The following TRPM6 variants were observed in gnomAD, a reference collection of about 807,000 sequenced individuals.
TRPM6 encodes transient receptor potential cation channel subfamily M member 6.
Under a neutral mutation model 247.6 loss-of-function variants are expected in TRPM6, and 111 were observed. The ratio of observed to expected loss-of-function variants is 0.45; its 90% CI spans 0.38 to 0.52. The LOEUF (loss-of-function observed/expected upper bound fraction) is 0.52. TRPM6 is among the 20% of genes least tolerant of loss of function. TRPM6 has a pLI of 0.00. For synonymous variants in TRPM6, 892 were observed against 853.8 expected, an observed-to-expected ratio of 1.04 and a Z score of -0.78; for missense variants, 2,126 against 2,421.5, an observed-to-expected ratio of 0.88 and a Z score of 2.56.
intron 15 of TRPM6, among the ~76,000 whole-genome samples, chr9:74,802,851 A>T (rs535238448): frequency 6.6e-5 from 10 of 152,054 alleles, no homozygotes; most frequent in African/African-American, 2.4e-4. Context: ...CTACCTCCTC[A>T]CATAATCCTG....
chr9:74,823,836 G>A (rs993049925), intron 7 of TRPM6, among the ~76,000 whole-genome samples: 5 of 152,096 alleles, frequency 3.3e-5, no homozygotes, highest in African/African-American at 7.2e-5. Context: ...AAATAGGACC[G>A]TGTTTAGTGG....
chr9:74,771,210 G>A (rs7026707), intron 25 of TRPM6, among the ~76,000 whole-genome samples: 7,040 of 152,212 alleles, frequency 0.046, 540 homozygotes, highest in African/African-American at 0.16. Flanking sequence ...CCCTCAGAGC[G>A]ACCTTCTAGA....
At chr9:74,750,938 G>C (rs1450218831) in intron 29 of TRPM6, among the ~76,000 whole-genome samples, 1 of 152,156 alleles carries the variant, frequency 6.6e-6, no homozygotes, top group Non-Finnish European at 1.5e-5. Flanking sequence ...GACTTTAACA[G>C]AATGAAATTA....
At position 74,819,121 on chromosome 9, in the gene TRPM6, A is replaced by C. The variant is rs528646829; in HGVS notation, c.1134+1183T>G. Among the ~76,000 whole-genome samples the C allele has an allele frequency of 2.0e-5, 3 of 152,234 alleles. No individual in the cohort carries two copies. The South Asian group carries it at 6.2e-4, about 32-fold the overall frequency. On this transcript the variant is annotated intron_variant, in intron 9 of 38. Transcript: ENST00000360774. ...CCAGGAGTTCGAGACCAGCTTGGCC[A>C]ACATGGTGAAACCCCATCTCTACCA... is the stretch of plus-strand genomic sequence containing the variant.
Position 74,738,615 on chromosome 9 carries a change from G to A in TRPM6, c.5571-3C>T. 1 of 1,613,878 alleles carries A rather than the reference G, an allele frequency of 6.2e-7. No individual in the cohort carries two copies. The highest frequency in any genetic ancestry group is 2.2e-5 in the East Asian group (1 of 44,860). On this transcript the variant is annotated splice_region_variant and splice_polypyrimidine_tract_variant and intron_variant, in intron 35 of 38. Transcript: ENST00000360774. ...AGATTAAGAAAACTTCCAGGAACCT[G>A]TTAGGGAAAAAGAGGCCATTGATCC...
At position 74,800,267 on chromosome 9, in the gene TRPM6, T is replaced by A. The variant is rs752347122; in HGVS notation, c.2225A>T (p.Asn742Ile). 1.2e-6 allele frequency: 2 copies of A among 1,613,346 alleles called. No homozygotes were observed. The highest frequency in any genetic ancestry group is 1.1e-5 in the South Asian group (1 of 91,048). The change falls in exon 17 of 39, where the codon AAC becomes ATC. Residue 742 changes from asparagine to isoleucine, a missense_variant. Physicochemically the swap from Asn to Ile is moderately radical, Grantham distance 149. This residue lies in a region of TRPM6 where 1,082 missense variants were observed against 1,307.9 expected (regional missense o/e 0.83). Coordinates refer to ENST00000360774, the MANE Select transcript of TRPM6 (RefSeq NM_017662.5). Reference sequence around the variant, plus strand: ...AAGTAAATTTACCTTTAACCAAGAGTTTTTCCTCATTTTCAGCCTCCCCAT... The same window carrying A: ...AAGTAAATTTACCTTTAACCAAGAGATTTTCCTCATTTTCAGCCTCCCCAT... ...MWMGRLKMRK[N>I]SWLKIIISII... is the part of the protein sequence containing the mutation.
chr9:74,789,038 C>T lies in TRPM6; in HGVS notation c.2539-296G>A, dbSNP rs950261424. On this transcript the variant is annotated intron_variant, in intron 19 of 38. Transcript: ENST00000360774. Reference sequence around the variant, plus strand: ...CATTTCCAGGACCCTGCACATCCAACAGGGGCACTGGCAAGCTAACAGCAA... The same window carrying T: ...CATTTCCAGGACCCTGCACATCCAATAGGGGCACTGGCAAGCTAACAGCAA... Among the ~76,000 whole-genome samples the T allele has an allele frequency of 1.2e-4, 19 of 152,202 alleles. 1 individual carries two copies. Among genetic ancestry groups the T allele is most frequent in the Admixed American group, 1.2e-3 (19 of 15,272 alleles).
At chr9:74,863,419 C>A (rs956948442) in intron 1 of TRPM6, among the ~76,000 whole-genome samples, 2 of 152,146 alleles carry the variant, frequency 1.3e-5, no homozygotes, top group Admixed American at 1.3e-4. Context: ...CCGCTTATGG[C>A]ACTCAAAAAG....
intron 11 of TRPM6, among the ~76,000 whole-genome samples, chr9:74,813,735 C>G (rs1286042072): frequency 6.6e-6 from 1 of 152,148 alleles, no homozygotes; most frequent in African/African-American, 2.4e-5. Context: ...TAGCAGGAAG[C>G]AGACAATCCA....
At chr9:74,804,231 G>A (rs146724516) in intron 14 of TRPM6, among the ~76,000 whole-genome samples, 2 of 152,014 alleles carry the variant, frequency 1.3e-5, no homozygotes, top group South Asian at 4.2e-4. Flanking sequence ...TTCAAAATAG[G>A]CAATAAAGAT....
intron 36 of TRPM6, among the ~76,000 whole-genome samples, chr9:74,733,556 G>C (rs1431928855): frequency 6.6e-6 from 1 of 152,118 alleles, no homozygotes; most frequent in East Asian, 1.9e-4. Context: ...TCGTAGCCTC[G>C]TTTTACATTT....
intron 24 of TRPM6, among the ~76,000 whole-genome samples, chr9:74,773,113 C>G (rs970573059): frequency 1.2e-3 from 189 of 152,158 alleles, no homozygotes; most frequent in African/African-American, 4.4e-3. Context: ...GGCAACAGAG[C>G]GAGACTCCAT....
intron 38 of TRPM6, among the ~76,000 whole-genome samples, chr9:74,727,170 C>G (rs1825358491): frequency 6.6e-6 from 1 of 151,960 alleles, no homozygotes; most frequent in African/African-American, 2.4e-5. Context: ...ATCATGAGGT[C>G]AGGAGATCAA....
In TRPM6 at chr9:74,762,187, T is replaced by C. The variant is rs772174508; in HGVS notation, c.4484A>G (p.Gln1495Arg). ...SRSEQHQKQA[Q>R]DSSLSDNSTR... ...TGAGTTATCAGATAGGGAGCTGTCC[T>C]GGGCCTGCTTCTGGTGCTGTTCACT... The change falls in exon 26 of 39, where the codon CAG becomes CGG. Residue 1495 changes from glutamine (Q) to arginine (R), a missense_variant. By Grantham distance (43) the Gln-to-Arg change is conservative. Around this residue, in one of 3 missense-constraint regions of TRPM6, gnomAD observed 717 missense variants for 715.9 expected, o/e 1.00. Coordinates refer to ENST00000360774, the MANE Select transcript of TRPM6 (RefSeq NM_017662.5). 7.4e-6 allele frequency: 12 copies of C among 1,614,206 alleles called. No homozygotes were observed. In the East Asian group the frequency reaches 2.0e-4, roughly 27 times the overall value.
chr9:74,851,784 T>C (rs148349564), intron 3 of TRPM6, among the ~76,000 whole-genome samples: 9,343 of 146,532 alleles, frequency 0.064, 342 homozygotes, highest in Middle Eastern at 0.12. Flanking sequence ...ATAATACATA[T>C]ATATATAATA....
chr9:74,795,361 C>T (rs914652273), intron 18 of TRPM6, among the ~76,000 whole-genome samples: 9 of 152,168 alleles, frequency 5.9e-5, no homozygotes, highest in African/African-American at 2.2e-4. Flanking sequence ...GAATAAAAAT[C>T]ATACTCCTTC....
chr9:74,817,072 T>C (rs1828960497), intron 9 of TRPM6, 108 bp from the exon 10 acceptor site: 3 of 1,050,446 alleles, frequency 2.9e-6, no homozygotes, highest in South Asian at 2.5e-5. Flanking sequence ...GAGGAAAACA[T>C]TCTTCTTTAA....
At chr9:74,864,566 G>A (rs947260932) in intron 1 of TRPM6, among the ~76,000 whole-genome samples, 1 of 152,190 alleles carries the variant, frequency 6.6e-6, no homozygotes, top group African/African-American at 2.4e-5. Flanking sequence ...TGTCCAGGAG[G>A]CAGAGAACAC....
At chr9:74,785,769 C>G (rs968306990) in intron 21 of TRPM6, 105 bp downstream of exon 21, 1 of 1,281,232 alleles carries the variant, frequency 7.8e-7, no homozygotes, top group Non-Finnish European at 1.1e-6. Context: ...GTGATCCGCC[C>G]GCCTTGGCCT....
Sources: allele counts gnomAD v4.1 joint callset (sites outside exome capture counted in the v4.1 genomes callset), GRCh38; gene constraint gnomAD v4.1.1; regional missense constraint gnomAD v4.1.1; transcripts MANE v1.5; gene names NCBI Gene and HGNC (gene_info 2026-07-23, HGNC 2026-07-21).